The following CENPI variants were observed in gnomAD, a reference collection of about 807,000 sequenced individuals.
CENPI encodes the protein FSH primary response 1.
In CENPI, 4 loss-of-function variants were observed where a neutral mutation model predicts 60.4. That is an observed-to-expected ratio of 0.07 (90% confidence interval 0.03 to 0.15). The LOEUF (loss-of-function observed/expected upper bound fraction) is 0.15. Among genes scored for constraint, CENPI ranks in the 10% least tolerant of loss-of-function variants. CENPI has a pLI of 1.00. For synonymous variants in CENPI, 157 were observed against 189.4 expected (o/e 0.83, Z 1.40); for missense variants, 444 against 534.5 (o/e 0.83, Z 1.67).
chrX:101,128,540 G>A (rs1235308988), intron 11 of CENPI, among the ~76,000 whole-genome samples, 176 bp from the exon 12 acceptor site: 1 of 111,946 alleles, frequency 8.9e-6, no homozygotes, highest in Non-Finnish European at 1.9e-5. Flanking sequence ...ATATTGCTCA[G>A]TCTGGCCTCA....
At chrX:101,124,700 G>A (rs1354915305) in intron 8 of CENPI, among the ~76,000 whole-genome samples, 3 of 111,423 alleles carry the variant, frequency 2.7e-5, no homozygotes, top group Non-Finnish European at 5.7e-5. Context: ...GTTCTCACGA[G>A]ATCTGATGGT....
In CENPI at chrX:101,109,680, C is replaced by T. The variant is rs781069859; in HGVS notation, c.483+89C>T. The T allele has an allele frequency of 4.2e-4, 289 of 681,584 alleles. 1 individual carries two copies. The South Asian group carries it at 5.5e-3, about 13-fold the overall frequency. 56.2% of individuals were successfully genotyped at this position (681,584 alleles called of 1,213,427 possible). On this transcript the variant is annotated intron_variant, in intron 5 of 21. Coordinates refer to ENST00000682095, the MANE Select transcript of CENPI (RefSeq NM_001386188.2). ...GCCACTTATGAAGTAATGGCATTGGCCTTTTGTGCAAAGCCTGTAGTTTTG... is the reference window on the plus strand; with the variant it reads ...GCCACTTATGAAGTAATGGCATTGGTCTTTTGTGCAAAGCCTGTAGTTTTG...
chrX:101,162,757 T>A, intron 21 of CENPI, 76 bp from the exon 22 acceptor site: 1 of 1,110,649 alleles, frequency 9.0e-7, no homozygotes, highest in Non-Finnish European at 1.2e-6. Flanking sequence ...AAACTCTTCC[T>A]AGGGAAAGAG....
At chrX:101,130,883 C>T (rs183530049) in intron 13 of CENPI, among the ~76,000 whole-genome samples, 12 of 112,219 alleles carry the variant, frequency 1.1e-4, no homozygotes, top group East Asian at 2.8e-4. Flanking sequence ...TTACCTCTAT[C>T]GTGACATTTT....
At chrX:101,103,484 G>A (rs2089446938) in intron 4 of CENPI, among the ~76,000 whole-genome samples, 1 of 111,149 alleles carries the variant, frequency 9.0e-6, no homozygotes, top group African/African-American at 3.3e-5. Flanking sequence ...TGGGATTACA[G>A]GCATGCGCCA....
At chrX:101,161,341 T>G (rs1394627270) in intron 20 of CENPI, among the ~76,000 whole-genome samples, 187 bp from the exon 21 acceptor site, 5 of 112,321 alleles carry the variant, frequency 4.5e-5, no homozygotes, top group Non-Finnish European at 9.4e-5. Context: ...AAAATGTTAT[T>G]TCTTAAAGCT....
At chrX:101,120,351 C>T in intron 6 of CENPI, 51 bp from the exon 7 acceptor site, 1 of 584,218 alleles carries the variant, frequency 1.7e-6, no homozygotes, top group Admixed American at 3.1e-5. Flanking sequence ...TGTTGCCCCT[C>T]TGTTCAAGAC....
At chrX:101,149,772 G>C (rs1163692610) in intron 20 of CENPI, among the ~76,000 whole-genome samples, 1 of 110,997 alleles carries the variant, frequency 9.0e-6, no homozygotes, top group African/African-American at 3.3e-5. Context: ...CTCCCAAAGT[G>C]CTGAGATTAT....
At chrX:101,129,926 G>A (rs975543738) in intron 12 of CENPI, 56 bp from the exon 13 acceptor site, 11 of 803,733 alleles carry the variant, frequency 1.4e-5, no homozygotes, top group Non-Finnish European at 1.8e-5. Context: ...ATTATGTTTT[G>A]TGCACTTTTT....
rs777807842 is a variant in CENPI, at chrX:101,107,060, CAAAA to C, written c.365-2395_365-2392del. Among the ~76,000 whole-genome samples, 278 of 62,137 alleles carry C rather than the reference CAAAA, an allele frequency of 4.5e-3. 4 individuals carry two copies. The highest frequency in any genetic ancestry group is 0.015 in the African/African-American group (257 of 16,691). 54.0% of individuals were successfully genotyped at this position (62,137 alleles called of 115,157 possible). On this transcript the variant is annotated intron_variant, in intron 4 of 21. Transcript: ENST00000682095. ...TGGGTGACAGAGTCAGACCCTGTCT[CAAAA>C]AAAAAAAAAAAAAAAAAGAATATCT...
In CENPI at chrX:101,128,789, C is replaced by T. The variant is rs1410032924; in HGVS notation, c.1148C>T (p.Pro383Leu). 8.3e-7 allele frequency: 1 copy of T among 1,209,132 alleles called. No homozygotes were observed. Among genetic ancestry groups the T allele is most frequent in the East Asian group, 3.0e-5 (1 of 33,838 alleles). ...TACATTAACTGTGTCAGAGATGAGC[C>T]AGTCTTGCTGAGGTTTTATTACTGG... ...LHYINCVRDE[P>L]VLLRFYYWLS... The change falls in exon 12 of 22, where the codon CCA becomes CTA. Residue 383 changes from proline to leucine, a missense_variant. By Grantham distance (98) the Pro-to-Leu change is moderately conservative. Transcript: ENST00000682095.
At chrX:101,124,090 AGTGTGTGTGT>A (rs397842781) in intron 8 of CENPI, among the ~76,000 whole-genome samples, 4,514 of 88,164 alleles carry the variant, frequency 0.051, 150 homozygotes, top group African/African-American at 0.1. Context: ...TATAGAATCA[AGTGTGTGTGT>A]GTGTGTGTGT....
intron 20 of CENPI, among the ~76,000 whole-genome samples, chrX:101,158,868 C>T (rs1445074782): frequency 6.4e-5 from 7 of 109,008 alleles, no homozygotes; most frequent in African/African-American, 2.3e-4. Context: ...TGACCTCAAG[C>T]GATCCACCCG....
Position 101,120,165 on chromosome X carries a change from G to T in CENPI, c.592-237G>T, listed in dbSNP as rs781684989. Among the ~76,000 whole-genome samples, 3 of 111,962 alleles carry T rather than the reference G, an allele frequency of 2.7e-5. No homozygotes were observed. In the South Asian group the frequency reaches 1.1e-3, roughly 41 times the overall value. ...GGTAATTCTGTTTTTCAAATTGTCT[G>T]CAATACCTTTACATTCCAAAAATAA... On this transcript the variant is annotated intron_variant, in intron 6 of 21. Transcript: ENST00000682095.
At chrX:101,107,021 A>ACTG (rs2089490739) in intron 4 of CENPI, among the ~76,000 whole-genome samples, 1 of 100,730 alleles carries the variant, frequency 9.9e-6, no homozygotes, top group Non-Finnish European at 2.0e-5. Context: ...TGATTGCACC[A>ACTG]CTGCACTCCA....
intron 13 of CENPI, 84 bp downstream of exon 13, chrX:101,130,157 G>A (rs948877707): frequency 1.1e-5 from 7 of 662,391 alleles, no homozygotes; most frequent in African/African-American, 2.2e-5. Flanking sequence ...TTTCTTGCCC[G>A]GCTGCGGTGG....
intron 15 of CENPI, among the ~76,000 whole-genome samples, chrX:101,135,881 C>T (rs779405012): frequency 5.4e-5 from 6 of 111,505 alleles, no homozygotes; most frequent in Admixed American, 1.9e-4. Flanking sequence ...CCACCACACT[C>T]GGCTAATGTT....
rs2089801155 is a variant in CENPI at position 101,132,169 on chromosome X, T to A, written c.1288-21T>A. On this transcript the variant is annotated intron_variant, in intron 13 of 21. Transcript: ENST00000682095. ...GACTGAAGAGTTCCATATAAGGATT[T>A]ACTATTCACTTGTGTTACAGGAGGG... The A allele has an allele frequency of 2.9e-6, 3 of 1,046,710 alleles. No homozygotes were observed. The African/African-American group carries it at 5.5e-5, about 19-fold the overall frequency. The allele number at this position is 1,046,710 out of a possible 1,213,427, so 86.3% of individuals were successfully genotyped here.
chrX:101,133,500 A>C (rs2089817692), intron 15 of CENPI, among the ~76,000 whole-genome samples: 1 of 109,130 alleles, frequency 9.2e-6, no homozygotes, highest in East Asian at 2.9e-4. Flanking sequence ...TCAACCTAAT[A>C]TGCATATACA....
Sources: allele counts gnomAD v4.1 joint callset (sites outside exome capture counted in the v4.1 genomes callset), GRCh38; gene constraint gnomAD v4.1.1; transcripts MANE v1.5; gene names NCBI Gene and HGNC (gene_info 2026-07-23, HGNC 2026-07-21).